NRG1: variants seen among roughly 807,000 people sequenced by gnomAD.
The protein encoded by NRG1 is neuregulin 1.
NRG1 carries 18 observed loss-of-function variants against 63.8 expected under a neutral mutation model. The ratio of observed to expected loss-of-function variants is 0.28; its 90% CI spans 0.19 to 0.42. NRG1 has a LOEUF of 0.42. Ranked by LOEUF, NRG1 falls within the 10% of genes least tolerant of loss-of-function variation. The probability of loss-of-function intolerance (pLI) is 1.00; values close to 1 mark genes in which losing one functional copy is unlikely to be tolerated. For synonymous variants in NRG1, 302 were observed against 301.3 expected (o/e 1.00, Z -0.02); for missense variants, 762 against 814.7 (o/e 0.94, Z 0.79).
rs150762243 is a variant in NRG1 at position 32,200,959 on chromosome 8, G to T, written c.38-394869G>T. On this transcript the variant is annotated intron_variant, in intron 1 of 10. Coordinates refer to the NRG1 transcript ENST00000519301. ...ACCAGGTAGTCTAATAACACCTTATGCAGACTTCCAACTCTTGTTTCTCAC... is the reference window on the plus strand; with the variant it reads ...ACCAGGTAGTCTAATAACACCTTATTCAGACTTCCAACTCTTGTTTCTCAC... Among the ~76,000 whole-genome samples, 604 of 152,276 alleles carry T rather than the reference G, an allele frequency of 4.0e-3. 3 individuals carry two copies. The highest frequency in any genetic ancestry group is 0.014 in the Middle Eastern group (4 of 294).
At chr8:32,687,509 G>A (rs983611515) in intron 5 of NRG1, among the ~76,000 whole-genome samples, 4 of 152,198 alleles carry the variant, frequency 2.6e-5, no homozygotes, top group Non-Finnish European at 1.5e-5. Flanking sequence ...TGAGGAGGAA[G>A]CACCATTAGG....
intron 1 of NRG1, among the ~76,000 whole-genome samples, chr8:32,171,755 C>A (rs892654744): frequency 6.6e-6 from 1 of 152,104 alleles, no homozygotes; most frequent in African/African-American, 2.4e-5. Flanking sequence ...ATTGCTAGCA[C>A]AGCAGTTTGA....
intron 10 of NRG1, 38 bp from the exon 11 acceptor site, chr8:32,760,162 C>T: frequency 2.5e-6 from 4 of 1,607,244 alleles, no homozygotes; most frequent in Non-Finnish European, 3.4e-6. Context: ...ATAATTTTTG[C>T]ACGAAATATC....
At chr8:32,678,144 C>T (rs1807672506) in intron 5 of NRG1, among the ~76,000 whole-genome samples, 1 of 152,126 alleles carries the variant, frequency 6.6e-6, no homozygotes. Flanking sequence ...CATAAAAAAT[C>T]TCCTTTAGAG....
chr8:32,515,691 T>A (rs1052692481), intron 1 of NRG1, among the ~76,000 whole-genome samples: 3 of 152,140 alleles, frequency 2.0e-5, no homozygotes, highest in Non-Finnish European at 4.4e-5. Context: ...CCTCCCACCT[T>A]AGCCTCCAGA....
At chr8:32,648,688 T>G (rs933487102) in intron 5 of NRG1, among the ~76,000 whole-genome samples, 6 of 152,240 alleles carry the variant, frequency 3.9e-5, no homozygotes, top group African/African-American at 1.4e-4. Context: ...AATTTATTTC[T>G]AACACATTTT....
chr8:32,405,563 CT>C (rs1433834621), intron 1 of NRG1, among the ~76,000 whole-genome samples: 4 of 152,018 alleles, frequency 2.6e-5, no homozygotes, highest in Admixed American at 1.3e-4. Flanking sequence ...CTTTCTCTCT[CT>C]TTTTTTTCTC....
intron 1 of NRG1, among the ~76,000 whole-genome samples, chr8:31,987,294 C>T (rs1300025717): frequency 2.6e-5 from 3 of 116,248 alleles, no homozygotes; most frequent in Admixed American, 1.7e-4. Context: ...GTGAGACTGT[C>T]TCAAAAAAAA....
rs114993762 is a variant in NRG1 at position 31,669,865 on chromosome 8, C to T, written c.37+30434C>T. On this transcript the variant is annotated intron_variant, in intron 1 of 10. Transcript: ENST00000519301. The stretch of plus-strand genomic sequence containing the variant: ...TGTGTGTGCACCTGTGTTTTGATTG[C>T]GACTGGTCACATGAGGATTGGGTGT... Among the ~76,000 whole-genome samples, 772 of 152,092 alleles carry T rather than the reference C, an allele frequency of 5.1e-3. 29 individuals are homozygous for T. In the East Asian group the frequency reaches 0.084, roughly 17 times the overall value.
At chr8:32,622,771 A>G (rs1382059440) in intron 5 of NRG1, among the ~76,000 whole-genome samples, 1 of 152,234 alleles carries the variant, frequency 6.6e-6, no homozygotes, top group Non-Finnish European at 1.5e-5. Flanking sequence ...GAGAAAATGC[A>G]TGTATATCAT....
At chr8:31,990,701 G>A (rs1810916830) in intron 1 of NRG1, among the ~76,000 whole-genome samples, 1 of 152,084 alleles carries the variant, frequency 6.6e-6, no homozygotes, top group South Asian at 2.1e-4. Flanking sequence ...ACATCAAGTG[G>A]CATCCCTTTT....
At chr8:31,757,684 A>T (rs997565375) in intron 1 of NRG1, among the ~76,000 whole-genome samples, 2 of 152,132 alleles carry the variant, frequency 1.3e-5, no homozygotes, top group African/African-American at 4.8e-5. Context: ...TAGAGGGGGA[A>T]TGCAGAAGAC....
intron 1 of NRG1, among the ~76,000 whole-genome samples, chr8:32,244,022 C>A (rs1848380901): frequency 6.6e-6 from 1 of 152,150 alleles, no homozygotes; most frequent in Admixed American, 6.6e-5. Flanking sequence ...GCTGCCTGAG[C>A]TGACTAAGAC....
At chr8:31,660,379 A>G (rs1025081939) in intron 1 of NRG1, among the ~76,000 whole-genome samples, 1 of 152,206 alleles carries the variant, frequency 6.6e-6, no homozygotes, top group Non-Finnish European at 1.5e-5. Context: ...CACATCAGGG[A>G]AATCTCTAGG....
intron 1 of NRG1, among the ~76,000 whole-genome samples, chr8:31,972,792 T>A (rs2129629243): frequency 6.6e-6 from 1 of 152,316 alleles, no homozygotes; most frequent in Non-Finnish European, 1.5e-5. Context: ...CATAACAGTG[T>A]GATTCTACAG....
chr8:32,582,036 T>C (rs1840731339), intron 1 of NRG1, among the ~76,000 whole-genome samples: 1 of 121,904 alleles, frequency 8.2e-6, no homozygotes, highest in South Asian at 2.7e-4. Context: ...TTGCATTCTC[T>C]GAAGGGAGCT....
chr8:32,297,117 GA>G (rs1018476832), intron 1 of NRG1, among the ~76,000 whole-genome samples: 22 of 151,108 alleles, frequency 1.5e-4, no homozygotes, highest in Non-Finnish European at 2.4e-4. Flanking sequence ...CTGTCTCAAA[GA>G]AAAAAAAATT....
At chr8:32,746,349 T>A (rs1272168445) in intron 7 of NRG1, among the ~76,000 whole-genome samples, 1 of 152,174 alleles carries the variant, frequency 6.6e-6, no homozygotes, top group Non-Finnish European at 1.5e-5. Context: ...GTACAGAAAG[T>A]CAAGACTTTA....
chr8:32,354,580 C>A (rs2129480084), intron 1 of NRG1, among the ~76,000 whole-genome samples: 1 of 151,888 alleles, frequency 6.6e-6, no homozygotes, highest in East Asian at 2.0e-4. Flanking sequence ...TAAGTCACAA[C>A]TCATCATATG....
Sources: allele counts gnomAD v4.1 joint callset (sites outside exome capture counted in the v4.1 genomes callset), GRCh38; gene constraint gnomAD v4.1.1; transcripts MANE v1.5; gene names NCBI Gene and HGNC (gene_info 2026-07-23, HGNC 2026-07-21).